The following TOB1 variants were observed in gnomAD, a reference collection of about 807,000 sequenced individuals.
TOB1 encodes the protein transducer of ERBB2, 1, also known as protein Tob1.
TOB1 carries 2 observed loss-of-function variants against 22.9 expected under a neutral mutation model. The ratio of observed to expected loss-of-function variants is 0.09; its 90% CI spans 0.04 to 0.28. The LOEUF (loss-of-function observed/expected upper bound fraction) is 0.28, where lower values mean the gene tolerates loss of function less well. Ranked by LOEUF, TOB1 falls within the 10% of genes least tolerant of loss-of-function variation. The pLI is 1.00. For missense variants in TOB1, 299 were observed against 420.5 expected, an observed-to-expected ratio of 0.71 and a Z score of 2.53; for synonymous variants, 154 against 150.6, an observed-to-expected ratio of 1.02 and a Z score of -0.17.
intron 1 of TOB1, among the ~76,000 whole-genome samples, chr17:50,865,471 G>C (rs945728134): frequency 6.6e-6 from 1 of 152,126 alleles, no homozygotes; most frequent in Non-Finnish European, 1.5e-5. Context: ...CGCTACAGCA[G>C]CAGCAACAGC....
upstream of TOB1, chr17:50,867,644 A>C (rs752040045): frequency 5.3e-5 from 8 of 152,288 alleles, no homozygotes; most frequent in Non-Finnish European, 1.2e-4. Context: ...AGAAGCAATG[A>C]ATGAAACGCC....
Sources: gnomAD v4.1 joint callset for allele counts (sites outside exome capture counted in the v4.1 genomes callset) on GRCh38, gnomAD v4.1.1 for gene constraint, MANE v1.5 for transcripts, NCBI Gene and HGNC (gene_info 2026-07-23, HGNC 2026-07-21) for gene names.